The following APOLD1 variants were observed in gnomAD, a reference collection of about 807,000 sequenced individuals.
APOLD1 encodes apolipoprotein L domain containing 1.
In APOLD1, 22 loss-of-function variants were observed where a neutral mutation model predicts 15.3. The ratio of observed to expected loss-of-function variants is 1.44; its 90% CI spans 1.03 to 2.05. APOLD1 has a LOEUF of 2.05. Ranked by LOEUF, APOLD1 falls within the 30% of genes most tolerant of loss-of-function variation. The pLI is 0.00. For synonymous variants in APOLD1, 190 were observed against 167.4 expected, an observed-to-expected ratio of 1.13 and a Z score of -1.04; for missense variants, 394 against 353.5, an observed-to-expected ratio of 1.11 and a Z score of -0.92.
intron 1 of APOLD1, among the ~76,000 whole-genome samples, chr12:12,768,345 A>G (rs1330901874): frequency 6.6e-6 from 1 of 152,114 alleles, no homozygotes; most frequent in Non-Finnish European, 1.5e-5. Context: ...TTGTAAAAGC[A>G]ATTGAGGCTG....
intron 1 of APOLD1, among the ~76,000 whole-genome samples, chr12:12,768,045 A>G (rs1287427783): frequency 1.3e-5 from 2 of 152,114 alleles, no homozygotes; most frequent in African/African-American, 4.8e-5. Flanking sequence ...TCGGCATCCC[A>G]AAGTGCTGGG....
In APOLD1 at chr12:12,791,066, A is replaced by G. The variant is rs1055156945; in HGVS notation, c.*3414A>G. ...ATCATTTGAATTGTTCTGTTTCACA[A>G]TAAAGGAGATTCACTGGGTTCTGCA... On this transcript the variant is annotated 3_prime_UTR_variant, in exon 2 of 2. Coordinates refer to ENST00000356591, the MANE Select transcript of APOLD1 (RefSeq NM_030817.3). 2.6e-5 allele frequency: 4 copies of G among 152,208 alleles called. No individual in the cohort carries two copies. Among genetic ancestry groups the G allele is most frequent in the Non-Finnish European group, 4.4e-5 (3 of 68,030 alleles). 9.4% of individuals were successfully genotyped at this position (152,208 alleles called of 1,614,324 possible).
intron 1 of APOLD1, among the ~76,000 whole-genome samples, chr12:12,778,497 C>CTT (rs35742908): frequency 7.7e-4 from 112 of 145,454 alleles, no homozygotes; most frequent in Admixed American, 8.9e-4. Context: ...TTTTTAATTT[C>CTT]TTTTTTTTTT....
intron 1 of APOLD1, among the ~76,000 whole-genome samples, chr12:12,730,246 G>A (rs909133701): frequency 6.6e-6 from 1 of 152,060 alleles, no homozygotes; most frequent in African/African-American, 2.4e-5. Flanking sequence ...TCCATGGTAT[G>A]TCTAAAAGAA....
At chr12:12,776,144 C>T (rs1592307132) in intron 1 of APOLD1, among the ~76,000 whole-genome samples, 1 of 151,890 alleles carries the variant, frequency 6.6e-6, no homozygotes, top group Non-Finnish European at 1.5e-5. Flanking sequence ...TGTGAACCGA[C>T]TGAATTCTAC....
intron 1 of APOLD1, among the ~76,000 whole-genome samples, chr12:12,727,808 C>T (rs1946605051): frequency 6.6e-6 from 1 of 150,426 alleles, no homozygotes; most frequent in African/African-American, 2.4e-5. Context: ...CTGCGTTGCC[C>T]AGGCTGGTCT....
At chr12:12,770,854 A>G (rs996896494) in intron 1 of APOLD1, among the ~76,000 whole-genome samples, 1 of 151,990 alleles carries the variant, frequency 6.6e-6, no homozygotes, top group Non-Finnish European at 1.5e-5. Flanking sequence ...GAAAAAATCC[A>G]TATAGAAACC....
intron 1 of APOLD1, chr12:12,764,613 T>C: frequency 2.4e-6 from 1 of 417,074 alleles, no homozygotes; most frequent in Non-Finnish European, 4.8e-6. Flanking sequence ...ATATTTTCTA[T>C]TTCTACTAGG....
chr12:12,736,075 G>C (rs58298630), intron 1 of APOLD1, among the ~76,000 whole-genome samples: 1 of 152,068 alleles, frequency 6.6e-6, no homozygotes, highest in Non-Finnish European at 1.5e-5. Context: ...AAACAACTAG[G>C]CTGGGAGCAG....
At chr12:12,730,061 TGTGTGTGTGTGTGTGTGA>T (rs1328103006) in intron 1 of APOLD1, among the ~76,000 whole-genome samples, 2,006 of 108,208 alleles carry the variant, frequency 0.019, 63 homozygotes, top group African/African-American at 0.063. Flanking sequence ...TGTGTGTGTG[TGTGTGTGTGTGTGTGTGA>T]GAGAGAGAGA....
At chr12:12,782,951 A>T (rs1389700193), upstream of APOLD1, among the ~76,000 whole-genome samples, 1 of 152,182 alleles carries the variant, frequency 6.6e-6, no homozygotes, top group African/African-American at 2.4e-5. Flanking sequence ...CATGCCTGTA[A>T]TCCCAGCACT....
At chr12:12,784,409 C>G (rs998994388), upstream of APOLD1, among the ~76,000 whole-genome samples, 4 of 152,124 alleles carry the variant, frequency 2.6e-5, no homozygotes, top group Non-Finnish European at 5.9e-5. Flanking sequence ...CTGGAGGCAT[C>G]TAGATTGAGG....
Position 12,791,353 on chromosome 12 carries a change from C to T in APOLD1, c.*3701C>T, listed in dbSNP as rs895464276. ...AATTGAGACACTGAGATAAAGACAT[C>T]GTGCAGAGATAAATGGGGATACAGT... On this transcript the variant is annotated 3_prime_UTR_variant, in exon 2 of 2. Transcript: ENST00000356591. The T allele has an allele frequency of 1.3e-5, 2 of 152,162 alleles. No homozygotes were observed. The highest frequency in any genetic ancestry group is 2.1e-4 in the South Asian group (1 of 4,830). 9.4% of individuals were successfully genotyped at this position (152,162 alleles called of 1,614,324 possible).
At chr12:12,745,152 G>A (rs1186425931) in intron 1 of APOLD1, among the ~76,000 whole-genome samples, 1 of 152,208 alleles carries the variant, frequency 6.6e-6, no homozygotes, top group African/African-American at 2.4e-5. Context: ...TAAGCAGGGT[G>A]ATTGGCTGTG....
intron 1 of APOLD1, among the ~76,000 whole-genome samples, chr12:12,773,879 A>G (rs1947007223): frequency 6.6e-6 from 1 of 152,234 alleles, no homozygotes; most frequent in Non-Finnish European, 1.5e-5. Context: ...TGGAAACCTG[A>G]CATCCACATG....
chr12:12,768,065 G>A (rs1387603101), intron 1 of APOLD1, among the ~76,000 whole-genome samples: 2 of 152,228 alleles, frequency 1.3e-5, no homozygotes, highest in East Asian at 3.9e-4. Context: ...GATTACAGGT[G>A]TAAGCCACCG....
intron 1 of APOLD1, among the ~76,000 whole-genome samples, chr12:12,753,706 G>A (rs1041368130): frequency 2.6e-5 from 4 of 151,784 alleles, no homozygotes; most frequent in African/African-American, 9.7e-5. Flanking sequence ...ATATGAGTAG[G>A]GAAGAGAGGC....
At chr12:12,728,303 TG>T (rs1017872225) in intron 1 of APOLD1, among the ~76,000 whole-genome samples, 3 of 152,016 alleles carry the variant, frequency 2.0e-5, no homozygotes, top group Non-Finnish European at 4.4e-5. Flanking sequence ...GCCCAGACTA[TG>T]GGAATATAGT....
intron 1 of APOLD1, among the ~76,000 whole-genome samples, chr12:12,732,479 C>A (rs1387887654): frequency 6.6e-6 from 1 of 152,078 alleles, no homozygotes; most frequent in Admixed American, 6.5e-5. Flanking sequence ...AATCCCAGGA[C>A]TTTGGGAGGC....
Sources: gnomAD v4.1 joint callset for allele counts (sites outside exome capture counted in the v4.1 genomes callset) on GRCh38, gnomAD v4.1.1 for gene constraint, MANE v1.5 for transcripts, NCBI Gene and HGNC (gene_info 2026-07-23, HGNC 2026-07-21) for gene names.